The following QRSL1 variants were observed in gnomAD, a reference collection of about 807,000 sequenced individuals.
QRSL1 encodes the protein glutamyl-tRNA(Gln) amidotransferase subunit A, mitochondrial.
A neutral mutation model predicts 61.6 loss-of-function variants in QRSL1; 54 were observed. That is an observed-to-expected ratio of 0.88 (90% CI 0.70 to 1.10). The LOEUF (loss-of-function observed/expected upper bound fraction) is 1.10. QRSL1 is among the 50% of genes least tolerant of loss of function. The probability of loss-of-function intolerance (pLI) is 0.00; values close to 1 mark genes in which losing one functional copy is unlikely to be tolerated. For missense variants in QRSL1, 505 were observed against 622.6 expected, an observed-to-expected ratio of 0.81 and a Z score of 2.01; for synonymous variants, 228 against 225.7, an observed-to-expected ratio of 1.01 and a Z score of -0.09.
At chr6:106,631,133 G>A (rs1247463451) in intron 1 of QRSL1, among the ~76,000 whole-genome samples, 3 of 152,078 alleles carry the variant, frequency 2.0e-5, no homozygotes, top group Non-Finnish European at 4.4e-5. Flanking sequence ...GGCTGAGGCA[G>A]GAGAATGGCG....
At chr6:106,649,289 C>A in intron 5 of QRSL1, 88 bp downstream of exon 5, 1 of 1,372,378 alleles carries the variant, frequency 7.3e-7, no homozygotes, top group Non-Finnish European at 9.9e-7. Context: ...AGTTCATATC[C>A]TGGTATTTTT....
chr6:106,630,659 T>C (rs1776804321), intron 1 of QRSL1, among the ~76,000 whole-genome samples: 2 of 152,154 alleles, frequency 1.3e-5, no homozygotes, highest in South Asian at 2.1e-4. Context: ...TAGAGCTGTG[T>C]GGTAAGTTCG....
Position 106,666,463 on chromosome 6 carries a change from TAATA to T in QRSL1, c.*467_*470del, listed in dbSNP as rs1777436847. ...TTTTTAAAATTCCTGTGACAATTAA[TAATA>T]AATAACGTGTCAGCATTTAGTAAGC... On this transcript the variant is annotated 3_prime_UTR_variant, in exon 11 of 11. Coordinates refer to ENST00000369046, the MANE Select transcript of QRSL1 (RefSeq NM_018292.5). The T allele has an allele frequency of 5.9e-6, 1 of 169,660 alleles. No homozygotes were observed. Among genetic ancestry groups the T allele is most frequent in the Admixed American group, 5.4e-5 (1 of 18,512 alleles). The allele number at this position is 169,660 out of a possible 1,614,324, so 10.5% of individuals were successfully genotyped here.
At chr6:106,647,434 C>T (rs1420710691) in intron 4 of QRSL1, among the ~76,000 whole-genome samples, 2 of 151,122 alleles carry the variant, frequency 1.3e-5, no homozygotes, top group African/African-American at 4.9e-5. Flanking sequence ...CCTGTAGTCC[C>T]AGCTACTCGA....
At chr6:106,639,119 GTTTTTTTTTT>G (rs1177849683) in intron 1 of QRSL1, among the ~76,000 whole-genome samples, 2 of 122,798 alleles carry the variant, frequency 1.6e-5, no homozygotes, top group Non-Finnish European at 3.3e-5. Flanking sequence ...GTGTTTTGTT[GTTTTTTTTTT>G]TTTTTTTTTT....
chr6:106,662,750 C>T (rs1439014694), intron 9 of QRSL1, among the ~76,000 whole-genome samples: 1 of 152,204 alleles, frequency 6.6e-6, no homozygotes, highest in African/African-American at 2.4e-5. Context: ...TCTGCTTCAT[C>T]CCCAAACTTT....
At chr6:106,635,304 T>C (rs1364451425) in intron 1 of QRSL1, among the ~76,000 whole-genome samples, 1 of 152,134 alleles carries the variant, frequency 6.6e-6, no homozygotes, top group Non-Finnish European at 1.5e-5. Context: ...CAGGATGGCA[T>C]GGTGTCCTGA....
chr6:106,653,033 A>C, intron 7 of QRSL1: 1 of 269,672 alleles, frequency 3.7e-6, no homozygotes. Flanking sequence ...CCCATCCCTA[A>C]TGTAAAGAAA....
chr6:106,656,666 T>C (rs1317759238), intron 9 of QRSL1, among the ~76,000 whole-genome samples: 2 of 152,212 alleles, frequency 1.3e-5, no homozygotes, highest in African/African-American at 4.8e-5. Context: ...AGAATTACTT[T>C]TTATTTTTGA....
chr6:106,652,262 G>A lies in QRSL1; in HGVS notation c.611G>A (p.Gly204Glu). 6.2e-7 allele frequency: 1 copy of A among 1,614,102 alleles called. No individual in the cohort carries two copies. Among genetic ancestry groups the A allele is most frequent in the Non-Finnish European group, 8.5e-7 (1 of 1,180,006 alleles). Reference protein sequence around the residue: ...GSTRNPAAHCGLVGFKPSYGL... With the variant: ...GSTRNPAAHCELVGFKPSYGL... ...ACCAGAAATCCTGCTGCCCACTGTG[G>A]GCTTGTTGGTTTCAAACCAAGCTAT... Residue 204 changes from glycine (G) to glutamate (E), a missense_variant, in exon 6 of 11, where the codon GGG becomes GAG. Transcript: ENST00000369046.
intron 7 of QRSL1, among the ~76,000 whole-genome samples, chr6:106,654,159 AAC>A (rs943406551): frequency 6.6e-6 from 1 of 152,096 alleles, no homozygotes; most frequent in Non-Finnish European, 1.5e-5. Flanking sequence ...AGACCATCCT[AAC>A]ACAGTGAAAC....
At chr6:106,649,319 T>C in intron 5 of QRSL1, 118 bp downstream of exon 5, 1 of 933,594 alleles carries the variant, frequency 1.1e-6, no homozygotes, top group Middle Eastern at 2.8e-4. Context: ...GAGCTATATG[T>C]GCTCAAAGGT....
At chr6:106,662,513 A>T (rs1383170740) in intron 9 of QRSL1, among the ~76,000 whole-genome samples, 3 of 151,202 alleles carry the variant, frequency 2.0e-5, no homozygotes, top group African/African-American at 7.3e-5. Context: ...TTCCCTAAAC[A>T]ATGCCTAAAC....
intron 8 of QRSL1, 48 bp from the exon 9 acceptor site, chr6:106,655,567 C>G (rs1777255540): frequency 9.7e-7 from 1 of 1,032,208 alleles, no homozygotes; most frequent in African/African-American, 1.6e-5. Flanking sequence ...CAAAACTTTA[C>G]TGACTTTACT....
chr6:106,665,682 C>T (rs936949654), intron 10 of QRSL1, 100 bp from the exon 11 acceptor site: 4 of 1,016,924 alleles, frequency 3.9e-6, no homozygotes, highest in East Asian at 2.4e-5. Flanking sequence ...GTTTTTTAAA[C>T]CTTATCCTGT....
intron 9 of QRSL1, among the ~76,000 whole-genome samples, chr6:106,657,987 G>A (rs1777297646): frequency 6.6e-6 from 1 of 152,040 alleles, no homozygotes; most frequent in Non-Finnish European, 1.5e-5. Flanking sequence ...ACAGGCGTGA[G>A]CCACCATGCC....
intron 7 of QRSL1, chr6:106,652,953 T>G (rs1777211887): frequency 2.0e-6 from 1 of 498,994 alleles, no homozygotes; most frequent in African/African-American, 1.9e-5. Flanking sequence ...AAAGTGTGTC[T>G]CTGTTCCAAT....
At chr6:106,635,612 C>T (rs942696545) in intron 1 of QRSL1, among the ~76,000 whole-genome samples, 1 of 152,178 alleles carries the variant, frequency 6.6e-6, no homozygotes, top group Non-Finnish European at 1.5e-5. Context: ...CAGTGGCTCT[C>T]GCCTATAATC....
chr6:106,639,119 G>GTTTTTTT lies in QRSL1; in HGVS notation c.25-1209_25-1203dup, dbSNP rs1177849683. ...TGTGTGGTTATTTGTGTGTTTTGTT[G>GTTTTTTT]TTTTTTTTTTTTTTTTTTTTTTTTT... is the stretch of plus-strand genomic sequence containing the variant. On this transcript the variant is annotated intron_variant, in intron 1 of 10. Transcript: ENST00000369046. 1.9e-4 allele frequency among the ~76,000 whole-genome samples: 23 copies of GTTTTTTT among 122,812 alleles called. 3 individuals carry two copies. The highest frequency in any genetic ancestry group is 5.1e-3 in the Middle Eastern group (1 of 196). 80.6% of individuals were successfully genotyped at this position (122,812 alleles called of 152,430 possible). A position where few individuals can be genotyped will look rare whatever the true frequency, so the allele number is the denominator to read the frequency against.
Sources: gnomAD v4.1 joint callset for allele counts (sites outside exome capture counted in the v4.1 genomes callset) on GRCh38, gnomAD v4.1.1 for gene constraint, MANE v1.5 for transcripts, NCBI Gene and HGNC (gene_info 2026-07-23, HGNC 2026-07-21) for gene names.